Variants in SAMMSON observed in about 807,000 individuals in gnomAD.
The protein encoded by SAMMSON is long intergenic non-protein coding RNA 1212.
chr3:70,324,791 A>T (rs750166353), intron 7 of SAMMSON, among the ~76,000 whole-genome samples: 8 of 152,132 alleles, frequency 5.3e-5, no homozygotes, highest in Non-Finnish European at 7.4e-5. Context: ...CTGCGTCCTG[A>T]CATAACAAAA....
intron 6 of SAMMSON, among the ~76,000 whole-genome samples, chr3:70,262,744 T>C (rs1339189315): frequency 6.6e-6 from 1 of 152,140 alleles, no homozygotes; most frequent in East Asian, 1.9e-4. Context: ...AAGTTTATAG[T>C]TTTCATCAAA....
chr3:70,035,305 T>G lies in SAMMSON; in HGVS notation n.417+21633T>G, dbSNP rs1407449993. On this transcript the variant is annotated intron_variant and non_coding_transcript_variant, in intron 3 of 9. Transcript: ENST00000642114. ...GTCAGTAACAGCACACTGAGTGCTT[T>G]TCACACTGAAAATCTATTTCTTCTA... Among the ~76,000 whole-genome samples the G allele has an allele frequency of 2.0e-5, 3 of 152,134 alleles. No homozygotes were observed. The East Asian group carries it at 5.8e-4, about 29-fold the overall frequency.
chr3:70,287,910 T>G (rs971516949), intron 6 of SAMMSON, among the ~76,000 whole-genome samples: 3 of 152,224 alleles, frequency 2.0e-5, no homozygotes, highest in African/African-American at 7.2e-5. Flanking sequence ...TGACATCCCC[T>G]TTATCATTTT....
chr3:70,050,357 A>G (rs2067141569), intron 3 of SAMMSON, among the ~76,000 whole-genome samples: 1 of 152,162 alleles, frequency 6.6e-6, no homozygotes, highest in Non-Finnish European at 1.5e-5. Context: ...GGACCTTGGC[A>G]TTGGGTTGGC....
chr3:70,049,462 A>G (rs1210092039), intron 3 of SAMMSON, among the ~76,000 whole-genome samples: 1 of 152,186 alleles, frequency 6.6e-6, no homozygotes, highest in Non-Finnish European at 1.5e-5. Context: ...TGGAGTTAAA[A>G]CTGGCTGCTT....
intron 6 of SAMMSON, among the ~76,000 whole-genome samples, chr3:70,269,420 A>G (rs1701954133): frequency 6.6e-6 from 1 of 152,288 alleles, no homozygotes; most frequent in East Asian, 1.9e-4. Flanking sequence ...TTGGCCAATC[A>G]AAGGCAGTCA....
At chr3:70,307,706 C>G (rs1046200966) in intron 7 of SAMMSON, among the ~76,000 whole-genome samples, 1 of 152,124 alleles carries the variant, frequency 6.6e-6, no homozygotes, top group Non-Finnish European at 1.5e-5. Flanking sequence ...ATTTTGCACA[C>G]CAGTTACATA....
chr3:70,086,597 A>G (rs751176872), intron 4 of SAMMSON, among the ~76,000 whole-genome samples: 4 of 152,202 alleles, frequency 2.6e-5, no homozygotes, highest in Non-Finnish European at 5.9e-5. Flanking sequence ...AACTTGAAGC[A>G]GATTTTGGTT....
Position 70,171,414 on chromosome 3 carries a change from T to C in SAMMSON, n.508-77693T>C, listed in dbSNP as rs1415261487. 2.6e-5 allele frequency among the ~76,000 whole-genome samples: 4 copies of C among 151,974 alleles called. No homozygotes were observed. The South Asian group carries it at 8.3e-4, about 31-fold the overall frequency. On this transcript the variant is annotated intron_variant and non_coding_transcript_variant, in intron 4 of 9. Transcript: ENST00000642114. The stretch of plus-strand genomic sequence containing the variant: ...TTTCTCCTGGAAGATATTGTGAATA[T>C]AAGTTTAAAAAAATCTTCAGACATA...
intron 4 of SAMMSON, among the ~76,000 whole-genome samples, chr3:70,159,937 C>T (rs894926344): frequency 5.9e-5 from 9 of 151,932 alleles, no homozygotes; most frequent in South Asian, 2.1e-4. Context: ...TAATAACTAA[C>T]GATGTTAAAG....
chr3:70,038,552 G>A lies in SAMMSON; in HGVS notation n.417+24880G>A, dbSNP rs117075111. 2.0e-3 allele frequency among the ~76,000 whole-genome samples: 299 copies of A among 152,248 alleles called. 1 individual carries two copies. Among genetic ancestry groups the A allele is most frequent in the East Asian group, 0.019 (97 of 5,170 alleles). On this transcript the variant is annotated intron_variant and non_coding_transcript_variant, in intron 3 of 9. Coordinates refer to ENST00000642114, the Ensembl canonical transcript of SAMMSON. ...AGCAACACTAAATGTACTAAGACTA[G>A]TATCTTAACATAATTTATACAGAAA...
chr3:70,228,883 A>G (rs970863532), intron 4 of SAMMSON, among the ~76,000 whole-genome samples: 6 of 152,190 alleles, frequency 3.9e-5, no homozygotes, highest in Middle Eastern at 6.8e-3. Flanking sequence ...GTGGCAGACT[A>G]TGTAGTACGT....
chr3:70,367,177 T>C (rs955767404), intron 9 of SAMMSON, among the ~76,000 whole-genome samples: 7 of 151,644 alleles, frequency 4.6e-5, no homozygotes, highest in Non-Finnish European at 4.4e-5. Flanking sequence ...AGAACACAAA[T>C]CTTTTCTTCC....
chr3:70,002,806 T>A (rs2107573899), intron 1 of SAMMSON, among the ~76,000 whole-genome samples: 1 of 152,306 alleles, frequency 6.6e-6, no homozygotes, highest in South Asian at 2.1e-4. Context: ...ATTTTACATG[T>A]GCCTGTGAAG....
chr3:70,284,249 A>G (rs560547149), intron 6 of SAMMSON, among the ~76,000 whole-genome samples: 2 of 152,332 alleles, frequency 1.3e-5, no homozygotes, highest in East Asian at 1.9e-4. Flanking sequence ...GGACAAGGCC[A>G]AGATAAGTGT....
intron 9 of SAMMSON, among the ~76,000 whole-genome samples, chr3:70,388,097 G>A (rs1700999393): frequency 6.6e-6 from 1 of 152,086 alleles, no homozygotes; most frequent in African/African-American, 2.4e-5. Flanking sequence ...CTTAGTGGTT[G>A]TGCAAACCAT....
intron 7 of SAMMSON, among the ~76,000 whole-genome samples, chr3:70,333,685 C>G (rs1390273141): frequency 6.6e-6 from 1 of 152,212 alleles, no homozygotes; most frequent in East Asian, 1.9e-4. Flanking sequence ...AATTTCTTCT[C>G]TATTTCTCCA....
chr3:70,030,136 G>A (rs567488578), intron 3 of SAMMSON, among the ~76,000 whole-genome samples: 2 of 152,276 alleles, frequency 1.3e-5, no homozygotes, highest in African/African-American at 4.8e-5. Context: ...AATTTGTCCA[G>A]ATGTGAATAA....
intron 9 of SAMMSON, among the ~76,000 whole-genome samples, chr3:70,374,614 C>T (rs1241478099): frequency 1.3e-5 from 2 of 152,096 alleles, no homozygotes; most frequent in African/African-American, 4.8e-5. Flanking sequence ...AGTTACTGAT[C>T]TCCATGTGGC....
Sources: gnomAD v4.1 joint callset for allele counts (sites outside exome capture counted in the v4.1 genomes callset) on GRCh38, gnomAD v4.1.1 for gene constraint, MANE v1.5 for transcripts, NCBI Gene and HGNC (gene_info 2026-07-23, HGNC 2026-07-21) for gene names.